The following TESK2 variants were observed in gnomAD, a reference collection of about 807,000 sequenced individuals.
TESK2 encodes testis associated actin remodelling kinase 2.
Under a neutral mutation model 57.1 loss-of-function variants are expected in TESK2, and 39 were observed. The ratio of observed to expected loss-of-function variants is 0.68; its 90% confidence interval spans 0.53 to 0.89. TESK2 has a LOEUF of 0.89. Ranked by LOEUF, TESK2 falls within the 40% of genes least tolerant of loss-of-function variation. The pLI, the probability that TESK2 is intolerant of heterozygous loss-of-function variation, is 0.00. For missense variants in TESK2, 646 were observed against 732.1 expected, an observed-to-expected ratio of 0.88 and a Z score of 1.36; for synonymous variants, 249 against 267.9, an observed-to-expected ratio of 0.93 and a Z score of 0.69.
At chr1:45,372,305 C>T (rs1352525182) in intron 4 of TESK2, among the ~76,000 whole-genome samples, 2 of 151,364 alleles carry the variant, frequency 1.3e-5, no homozygotes, top group Non-Finnish European at 2.9e-5. Flanking sequence ...CAGCCAGGCA[C>T]AGTGGCTCAA....
Position 45,358,121 on chromosome 1 carries a change from A to G in TESK2, c.394-2672T>C, listed in dbSNP as rs567142860. ...GAGGTCAGGAGATCGAGACCGTCCT[A>G]GCTAACATGCTGAATCCCCGTCTCT... On this transcript the variant is annotated intron_variant, in intron 4 of 10. Coordinates refer to ENST00000372086, the MANE Select transcript of TESK2 (RefSeq NM_007170.3). Among the ~76,000 whole-genome samples the G allele has an allele frequency of 1.8e-3, 272 of 151,282 alleles. 2 individuals are homozygous for G. Among genetic ancestry groups the G allele is most frequent in the African/African-American group, 6.0e-3 (249 of 41,218 alleles).
At chr1:45,425,718 CA>C (rs1025584506) in intron 2 of TESK2, among the ~76,000 whole-genome samples, 1 of 151,816 alleles carries the variant, frequency 6.6e-6, no homozygotes, top group African/African-American at 2.4e-5. Context: ...ACTAAAGATA[CA>C]AAAAAATGGA....
chr1:45,474,464 T>C (rs901743621), intron 1 of TESK2, among the ~76,000 whole-genome samples: 1 of 152,088 alleles, frequency 6.6e-6, no homozygotes, highest in Non-Finnish European at 1.5e-5. Flanking sequence ...CCATCTCTTT[T>C]TTTTTTATTG....
At chr1:45,447,584 T>TG (rs1311782562) in intron 2 of TESK2, among the ~76,000 whole-genome samples, 1 of 152,014 alleles carries the variant, frequency 6.6e-6, no homozygotes, top group Admixed American at 6.6e-5. Context: ...TTAACTTTTT[T>TG]TTTTAATAAA....
chr1:45,373,086 T>TGATA (rs1648269975), intron 4 of TESK2, among the ~76,000 whole-genome samples: 1 of 149,358 alleles, frequency 6.7e-6, no homozygotes, highest in Non-Finnish European at 1.5e-5. Flanking sequence ...CACAACAACG[T>TGATA]GATAATACTT....
chr1:45,361,991 A>C (rs1171643377), intron 4 of TESK2, among the ~76,000 whole-genome samples: 1 of 152,194 alleles, frequency 6.6e-6, no homozygotes, highest in Non-Finnish European at 1.5e-5. Flanking sequence ...ATGGTAAATT[A>C]TATGTTATAT....
intron 2 of TESK2, among the ~76,000 whole-genome samples, chr1:45,425,113 C>T (rs1247560939): frequency 6.6e-6 from 1 of 152,050 alleles, no homozygotes; most frequent in Non-Finnish European, 1.5e-5. Flanking sequence ...AAGGAAGAAG[C>T]CAAATTATTC....
intron 3 of TESK2, among the ~76,000 whole-genome samples, chr1:45,411,486 C>G (rs1650039817): frequency 6.6e-6 from 1 of 152,174 alleles, no homozygotes; most frequent in African/African-American, 2.4e-5. Context: ...CACCGCTGAT[C>G]TGACAGGAAG....
intron 2 of TESK2, among the ~76,000 whole-genome samples, chr1:45,455,891 T>C (rs1652068881): frequency 6.6e-6 from 1 of 151,728 alleles, no homozygotes; most frequent in East Asian, 1.9e-4. Flanking sequence ...AGTATACCTA[T>C]TAATAAAAGA....
At chr1:45,483,065 G>A (rs569993099) in intron 1 of TESK2, among the ~76,000 whole-genome samples, 1 of 150,644 alleles carries the variant, frequency 6.6e-6, no homozygotes, top group East Asian at 2.0e-4. Context: ...AGATCACAAG[G>A]TCAGGAGATC....
At chr1:45,431,093 C>T (rs1354579453) in intron 2 of TESK2, among the ~76,000 whole-genome samples, 1 of 152,162 alleles carries the variant, frequency 6.6e-6, no homozygotes, top group Non-Finnish European at 1.5e-5. Flanking sequence ...TTCCTTGCAA[C>T]TAGGAGAGTC....
chr1:45,427,767 G>A (rs192865386), intron 2 of TESK2, among the ~76,000 whole-genome samples: 2 of 152,162 alleles, frequency 1.3e-5, no homozygotes, highest in Non-Finnish European at 2.9e-5. Flanking sequence ...GCTGGGAAGG[G>A]TAGTGTGGGG....
chr1:45,432,243 G>T (rs1020239002), intron 2 of TESK2, among the ~76,000 whole-genome samples: 2 of 151,926 alleles, frequency 1.3e-5, no homozygotes, highest in Admixed American at 1.3e-4. Flanking sequence ...AGCTACTTAG[G>T]AAGTAGGTCT....
In TESK2 at chr1:45,367,542, T is replaced by A. The variant is rs559715530; in HGVS notation, c.394-12093A>T. Among the ~76,000 whole-genome samples the A allele has an allele frequency of 7.1e-4, 107 of 151,516 alleles. 1 individual carries two copies. Among genetic ancestry groups the A allele is most frequent in the Non-Finnish European group, 2.7e-4 (18 of 67,874 alleles). ...TGTTGTATTTTTAGTAGAGATAGGGTTTCACCATGTTTGTCAGGTTGCTAT... is the reference window on the plus strand; with the variant it reads ...TGTTGTATTTTTAGTAGAGATAGGGATTCACCATGTTTGTCAGGTTGCTAT... On this transcript the variant is annotated intron_variant, in intron 4 of 10. Coordinates refer to ENST00000372086, the MANE Select transcript of TESK2 (RefSeq NM_007170.3).
chr1:45,442,971 T>C (rs1412721801), intron 2 of TESK2, among the ~76,000 whole-genome samples: 1 of 152,100 alleles, frequency 6.6e-6, no homozygotes, highest in Non-Finnish European at 1.5e-5. Flanking sequence ...TTTTTAGTAA[T>C]GACGGGGTTT....
intron 3 of TESK2, among the ~76,000 whole-genome samples, chr1:45,404,897 C>G (rs1020000474): frequency 6.6e-6 from 1 of 152,004 alleles, no homozygotes; most frequent in Non-Finnish European, 1.5e-5. Flanking sequence ...CCTAAGGGCA[C>G]ACAATGAGCA....
intron 4 of TESK2, among the ~76,000 whole-genome samples, chr1:45,383,652 G>A (rs188381565): frequency 1.4e-4 from 22 of 152,166 alleles, no homozygotes; most frequent in Non-Finnish European, 2.6e-4. Flanking sequence ...CTTCTCTGTC[G>A]GCAAAATTAA....
chr1:45,388,595 A>G (rs1348128827), intron 3 of TESK2, among the ~76,000 whole-genome samples: 1 of 152,190 alleles, frequency 6.6e-6, no homozygotes, highest in Non-Finnish European at 1.5e-5. Flanking sequence ...TGTAAAGACT[A>G]AAATATTTAC....
At chr1:45,369,736 G>A (rs1311611369) in intron 4 of TESK2, among the ~76,000 whole-genome samples, 32 of 150,918 alleles carry the variant, frequency 2.1e-4, no homozygotes, top group Admixed American at 2.1e-3. Flanking sequence ...TTTTGAGATG[G>A]AGTCTTGCTC....
Sources: gnomAD v4.1 joint callset for allele counts (sites outside exome capture counted in the v4.1 genomes callset) on GRCh38, gnomAD v4.1.1 for gene constraint, MANE v1.5 for transcripts, NCBI Gene and HGNC (gene_info 2026-07-23, HGNC 2026-07-21) for gene names.